Variants in SIPA1L1 observed in about 807,000 individuals in gnomAD.
SIPA1L1 encodes signal-induced proliferation-associated 1-like protein 1.
Under a neutral mutation model 162.7 loss-of-function variants are expected in SIPA1L1, and 26 were observed. The ratio of observed to expected loss-of-function variants is 0.16; its 90% CI spans 0.12 to 0.22. The LOEUF is 0.22. Among genes scored for constraint, SIPA1L1 ranks in the 10% least tolerant of loss-of-function variants. The probability of loss-of-function intolerance (pLI) is 1.00; values close to 1 mark genes in which losing one functional copy is unlikely to be tolerated. For synonymous variants in SIPA1L1, 829 were observed against 837.4 expected (o/e 0.99, Z 0.17); for missense variants, 1,874 against 2,241.0 (o/e 0.84, Z 3.31).
chr14:71,464,675 C>CA (rs900409303), intron 2 of SIPA1L1, among the ~76,000 whole-genome samples: 9 of 151,998 alleles, frequency 5.9e-5, no homozygotes, highest in African/African-American at 2.2e-4. Context: ...AAAAAACAAA[C>CA]AGAGTCCCTA....
intron 2 of SIPA1L1, among the ~76,000 whole-genome samples, chr14:71,383,695 A>G (rs186861383): frequency 2.6e-4 from 40 of 152,252 alleles, no homozygotes; most frequent in Middle Eastern, 3.4e-3. Flanking sequence ...GGGGAAAGAC[A>G]GAGGAGGGAG....
chr14:71,653,149 C>G (rs910723525), intron 8 of SIPA1L1, among the ~76,000 whole-genome samples: 10 of 152,070 alleles, frequency 6.6e-5, no homozygotes, highest in Non-Finnish European at 8.8e-5. Context: ...TAAAGCATAC[C>G]TAGAGTAGCT....
chr14:71,423,085 AT>A (rs1567004479), intron 2 of SIPA1L1, among the ~76,000 whole-genome samples: 1 of 152,246 alleles, frequency 6.6e-6, no homozygotes, highest in Non-Finnish European at 1.5e-5. Flanking sequence ...GATGTCGAAC[AT>A]TTTTTTATGT....
chr14:71,426,037 C>T (rs1029194049), intron 2 of SIPA1L1, among the ~76,000 whole-genome samples: 21 of 152,006 alleles, frequency 1.4e-4, no homozygotes, highest in Non-Finnish European at 2.4e-4. Flanking sequence ...ACTATTTGCA[C>T]GAAATAATCG....
At chr14:71,666,388 C>T (rs2044007721) in intron 10 of SIPA1L1, among the ~76,000 whole-genome samples, 1 of 152,058 alleles carries the variant, frequency 6.6e-6, no homozygotes, top group African/African-American at 2.4e-5. Flanking sequence ...TTTTTTAAAG[C>T]TAAATTAATT....
intron 2 of SIPA1L1, among the ~76,000 whole-genome samples, chr14:71,360,213 G>T (rs1473605908): frequency 6.6e-6 from 1 of 152,192 alleles, no homozygotes; most frequent in Non-Finnish European, 1.5e-5. Flanking sequence ...GCTGATGGTA[G>T]TCTTCTATTG....
chr14:71,326,003 T>G (rs2033750781), intron 2 of SIPA1L1, among the ~76,000 whole-genome samples: 3 of 152,146 alleles, frequency 2.0e-5, no homozygotes, highest in African/African-American at 7.2e-5. Context: ...CAAAGGCAAC[T>G]TGAGCAGAAC....
At chr14:71,524,436 A>G (rs537912550) in intron 3 of SIPA1L1, among the ~76,000 whole-genome samples, 2 of 152,332 alleles carry the variant, frequency 1.3e-5, no homozygotes, top group Admixed American at 1.3e-4. Context: ...TTCGGGAAAC[A>G]TTACCATGGT....
At chr14:71,607,625 G>C (rs2037682635) in intron 5 of SIPA1L1, among the ~76,000 whole-genome samples, 1 of 152,156 alleles carries the variant, frequency 6.6e-6, no homozygotes, top group Non-Finnish European at 1.5e-5. Context: ...AGTTTCCTCA[G>C]TCAGATAAGG....
At chr14:71,628,361 G>C (rs1357140565) in intron 7 of SIPA1L1, among the ~76,000 whole-genome samples, 1 of 152,208 alleles carries the variant, frequency 6.6e-6, no homozygotes, top group Non-Finnish European at 1.5e-5. Context: ...ACTTAGTACA[G>C]TGCTGAGCAT....
At chr14:71,709,790 T>C in intron 17 of SIPA1L1, 126 bp downstream of exon 17, 2 of 720,880 alleles carry the variant, frequency 2.8e-6, no homozygotes, top group South Asian at 4.0e-5. Flanking sequence ...ACAATTATTT[T>C]TATATGTTTA....
chr14:71,488,488 C>T (rs184250945), intron 2 of SIPA1L1, among the ~76,000 whole-genome samples: 3 of 152,166 alleles, frequency 2.0e-5, no homozygotes, highest in Admixed American at 2.0e-4. Context: ...TTGTAGTACC[C>T]ATGAAAAATA....
At chr14:71,738,975 G>A in intron 23 of SIPA1L1, 43 bp from the exon 24 acceptor site, 1 of 1,590,486 alleles carries the variant, frequency 6.3e-7, no homozygotes, top group South Asian at 1.1e-5. Context: ...GGGCAAGGTG[G>A]GGCCAACACC....
chr14:71,425,062 C>G (rs2043465150), intron 2 of SIPA1L1, among the ~76,000 whole-genome samples: 1 of 151,986 alleles, frequency 6.6e-6, no homozygotes, highest in Non-Finnish European at 1.5e-5. Context: ...TCATAGTGCA[C>G]TCTTATAAGC....
chr14:71,504,729 AG>A (rs1312090570), intron 2 of SIPA1L1, among the ~76,000 whole-genome samples: 1 of 152,238 alleles, frequency 6.6e-6, no homozygotes, highest in Non-Finnish European at 1.5e-5. Flanking sequence ...GTTGAAGTGA[AG>A]AAAAATGTGA....
rs144597383 is a variant in SIPA1L1, at chr14:71,654,771, C to A, written c.1994-3562C>A. Among the ~76,000 whole-genome samples, 517 of 152,248 alleles carry A rather than the reference C, an allele frequency of 3.4e-3. 4 individuals carry two copies. The highest frequency in any genetic ancestry group is 0.012 in the African/African-American group (483 of 41,534). ...TATGAAGTAGCATCATTCTTTCATC[C>A]TCCTTCTACAAGCACATTGTCCCTT... On this transcript the variant is annotated intron_variant, in intron 8 of 23. Coordinates refer to ENST00000381232, the MANE Select transcript of SIPA1L1 (RefSeq NM_001386936.1).
intron 5 of SIPA1L1, among the ~76,000 whole-genome samples, chr14:71,600,544 A>G (rs1390070288): frequency 6.6e-6 from 1 of 152,082 alleles, no homozygotes; most frequent in Non-Finnish European, 1.5e-5. Context: ...TTCCAGCTTC[A>G]TTCTTTTTGC....
intron 4 of SIPA1L1, among the ~76,000 whole-genome samples, chr14:71,563,787 C>T (rs1460974299): frequency 6.6e-6 from 1 of 152,160 alleles, no homozygotes; most frequent in Non-Finnish European, 1.5e-5. Flanking sequence ...TGAAAGTTTT[C>T]GTAACTCTCC....
At chr14:71,709,130 T>C in intron 16 of SIPA1L1, 92 bp from the exon 17 acceptor site, 1 of 1,102,238 alleles carries the variant, frequency 9.1e-7, no homozygotes. Context: ...TTCAGAGCCC[T>C]ATAACTAGAA....
Sources: gnomAD v4.1 joint callset for allele counts (sites outside exome capture counted in the v4.1 genomes callset) on GRCh38, gnomAD v4.1.1 for gene constraint, MANE v1.5 for transcripts, NCBI Gene and HGNC (gene_info 2026-07-23, HGNC 2026-07-21) for gene names.